Variants in CCDC126 observed in about 807,000 individuals in gnomAD.
CCDC126 encodes coiled-coil domain-containing protein 126.
Under a neutral mutation model 11.7 loss-of-function variants are expected in CCDC126, and 5 were observed. That is an observed-to-expected ratio of 0.43 (90% CI 0.22 to 0.90). CCDC126 has a LOEUF of 0.90. Ranked by LOEUF, CCDC126 falls within the 40% of genes least tolerant of loss-of-function variation. The pLI is 0.27. For missense variants in CCDC126, 150 were observed against 163.1 expected, an observed-to-expected ratio of 0.92 and a Z score of 0.44; for synonymous variants, 60 against 61.9, an observed-to-expected ratio of 0.97 and a Z score of 0.14.
chr7:23,597,744 A>G (rs1018383879), intron 1 of CCDC126, 139 bp downstream of exon 1: 4 of 152,126 alleles, frequency 2.6e-5, no homozygotes, highest in Admixed American at 2.6e-4. Context: ...AACCCGGCTT[A>G]GGAACGGGCC....
chr7:23,638,712 TAA>T (rs1176764880), intron 3 of CCDC126, among the ~76,000 whole-genome samples: 3 of 44,430 alleles, frequency 6.8e-5, no homozygotes, highest in African/African-American at 1.6e-4. Context: ...GAATGATCAA[TAA>T]AAAAAAAAAA....
chr7:23,642,413 C>T (rs909166504), intron 3 of CCDC126, among the ~76,000 whole-genome samples: 1 of 151,990 alleles, frequency 6.6e-6, no homozygotes, highest in Non-Finnish European at 1.5e-5. Flanking sequence ...CGAGAGTTTC[C>T]CCCACATTTA....
chr7:23,623,349 C>T (rs941373077), intron 3 of CCDC126, among the ~76,000 whole-genome samples: 6 of 151,982 alleles, frequency 3.9e-5, no homozygotes, highest in Non-Finnish European at 8.8e-5. Context: ...TGTGGTACAG[C>T]ACTTTGAGAG....
chr7:23,605,931 C>T (rs985285084), intron 2 of CCDC126, among the ~76,000 whole-genome samples: 2 of 151,796 alleles, frequency 1.3e-5, no homozygotes, highest in Non-Finnish European at 2.9e-5. Context: ...TGCCCACCAG[C>T]AGAGCAGAAG....
At chr7:23,606,556 G>A (rs1257767676) in intron 2 of CCDC126, among the ~76,000 whole-genome samples, 1 of 152,144 alleles carries the variant, frequency 6.6e-6, no homozygotes, top group African/African-American at 2.4e-5. Flanking sequence ...TGGAGGTGGT[G>A]ATAGTTGGAT....
intron 3 of CCDC126, among the ~76,000 whole-genome samples, chr7:23,614,215 T>C (rs974894040): frequency 6.6e-5 from 10 of 152,254 alleles, no homozygotes; most frequent in African/African-American, 2.4e-4. Flanking sequence ...TACTGCTGCC[T>C]TGTCAATAAA....
intron 3 of CCDC126, among the ~76,000 whole-genome samples, chr7:23,613,937 A>G (rs1283530550): frequency 6.6e-6 from 1 of 152,244 alleles, no homozygotes; most frequent in African/African-American, 2.4e-5. Flanking sequence ...TATTGCTAAA[A>G]TATGCCAAAA....
chr7:23,602,725 A>G lies in CCDC126; in HGVS notation c.-146+4674A>G, dbSNP rs141354054. Among the ~76,000 whole-genome samples, 973 of 152,324 alleles carry G rather than the reference A, an allele frequency of 6.4e-3. 11 individuals carry two copies. Among genetic ancestry groups the G allele is most frequent in the African/African-American group, 0.021 (865 of 41,574 alleles). On this transcript the variant is annotated intron_variant, in intron 2 of 3. Coordinates refer to ENST00000307471, the MANE Select transcript of CCDC126 (RefSeq NM_138771.4). Reference sequence around the variant, plus strand: ...CTTTGTACTTCCTCCTCTTTCTGAAATCAGATATTACCCCCTCATTATTCT... The same window carrying G: ...CTTTGTACTTCCTCCTCTTTCTGAAGTCAGATATTACCCCCTCATTATTCT...
At chr7:23,630,571 C>T (rs1284986153) in intron 3 of CCDC126, among the ~76,000 whole-genome samples, 3 of 151,702 alleles carry the variant, frequency 2.0e-5, no homozygotes, top group Non-Finnish European at 4.4e-5. Context: ...CTTTGGGAGG[C>T]CAAGGTGGGC....
At chr7:23,622,930 G>T in intron 3 of CCDC126, 1 of 261,546 alleles carries the variant, frequency 3.8e-6, no homozygotes, top group Non-Finnish European at 7.5e-6. Flanking sequence ...TGACCTGTTT[G>T]CTCTGCTGTG....
At chr7:23,637,896 T>G (rs1461082662) in intron 3 of CCDC126, among the ~76,000 whole-genome samples, 1 of 115,140 alleles carries the variant, frequency 8.7e-6, no homozygotes, top group Non-Finnish European at 1.9e-5. Flanking sequence ...GGGGCGCCTC[T>G]GCCCGGCCGC....
chr7:23,635,853 A>G (rs2128021550), intron 3 of CCDC126, among the ~76,000 whole-genome samples: 1 of 152,150 alleles, frequency 6.6e-6, no homozygotes, highest in Non-Finnish European at 1.5e-5. Context: ...TTAATGAGTT[A>G]AGACTGTCCC....
intron 2 of CCDC126, among the ~76,000 whole-genome samples, chr7:23,608,605 T>A (rs1398997231): frequency 2.6e-5 from 4 of 152,164 alleles, no homozygotes; most frequent in Non-Finnish European, 4.4e-5. Flanking sequence ...AAGTTAGCCC[T>A]TAGAGAATAA....
chr7:23,606,772 T>G (rs972774770), intron 2 of CCDC126, among the ~76,000 whole-genome samples: 17 of 152,178 alleles, frequency 1.1e-4, no homozygotes, highest in Non-Finnish European at 2.2e-4. Context: ...GATTATTTTA[T>G]TTTTTGCCTT....
intron 3 of CCDC126, among the ~76,000 whole-genome samples, chr7:23,629,089 T>C (rs552505522): frequency 4.6e-5 from 7 of 152,318 alleles, no homozygotes; most frequent in African/African-American, 9.6e-5. Flanking sequence ...AAATCACTTA[T>C]ACCAAGAACC....
chr7:23,637,026 A>AG (rs1343319681), intron 3 of CCDC126, among the ~76,000 whole-genome samples: 1 of 37,336 alleles, frequency 2.7e-5, no homozygotes, highest in Non-Finnish European at 5.3e-5. Flanking sequence ...GGGAAGGGGG[A>AG]GGGGGGGTCA....
chr7:23,639,868 A>G (rs1319382676), intron 3 of CCDC126, among the ~76,000 whole-genome samples: 1 of 152,148 alleles, frequency 6.6e-6, no homozygotes, highest in Non-Finnish European at 1.5e-5. Flanking sequence ...ATCGATAACA[A>G]CATTTGCCAT....
intron 3 of CCDC126, chr7:23,622,375 T>C (rs1451094164): frequency 6.3e-6 from 2 of 318,234 alleles, no homozygotes; most frequent in East Asian, 1.7e-4. Context: ...TGTAGAGGTG[T>C]TTATAGTATT....
At chr7:23,632,279 A>G (rs1198865867) in intron 3 of CCDC126, among the ~76,000 whole-genome samples, 3 of 152,058 alleles carry the variant, frequency 2.0e-5, no homozygotes, top group South Asian at 4.2e-4. Context: ...ATTTTTAGTA[A>G]AGACAGGGTT....
Sources: allele counts gnomAD v4.1 joint callset (sites outside exome capture counted in the v4.1 genomes callset), GRCh38; gene constraint gnomAD v4.1.1; transcripts MANE v1.5; gene names NCBI Gene and HGNC (gene_info 2026-07-23, HGNC 2026-07-21).